KHDRBS2: variants seen among roughly 807,000 people sequenced by gnomAD.
The protein encoded by KHDRBS2 is KH RNA binding domain containing, signal transduction associated 2, also known as KH domain-containing, RNA-binding, signal transduction-associated protein 2.
KHDRBS2 carries 26 observed loss-of-function variants against 44.3 expected under a neutral mutation model. That is an observed-to-expected ratio of 0.59 (90% CI 0.43 to 0.81). The LOEUF is 0.81. KHDRBS2 is among the 40% of genes least tolerant of loss of function. KHDRBS2 has a pLI of 0.00. For synonymous variants in KHDRBS2, 194 were observed against 151.1 expected, an observed-to-expected ratio of 1.28 and a Z score of -2.08; for missense variants, 476 against 433.1, an observed-to-expected ratio of 1.10 and a Z score of -0.88.
At chr6:61,953,876 T>C (rs577655057) in intron 4 of KHDRBS2, among the ~76,000 whole-genome samples, 3 of 152,102 alleles carry the variant, frequency 2.0e-5, no homozygotes, top group East Asian at 1.9e-4. Flanking sequence ...CTAAACAAGA[T>C]ATCACAGTTA....
At chr6:61,877,188 GC>G (rs1799542051) in intron 6 of KHDRBS2, among the ~76,000 whole-genome samples, 1 of 151,894 alleles carries the variant, frequency 6.6e-6, no homozygotes, top group Non-Finnish European at 1.5e-5. Flanking sequence ...GTTGACCCCT[GC>G]ATTGGACCTC....
chr6:61,697,210 C>G lies in KHDRBS2; in HGVS notation c.937G>C (p.Ala313Pro). ...YDYGHGVSEDAYDSYAPEEWA... is the reference protein window; with the variant it reads ...YDYGHGVSEDPYDSYAPEEWA... ...AAGGTCTTACCGTAGCTGTCATAGG[C>G]ATCCTCACTTACTCCATGACCGTAG... The change falls in exon 8 of 9, where the codon GCC becomes CCC. Residue 313 changes from alanine (A) to proline (P), a missense_variant. By Grantham distance (27) the Ala-to-Pro change is conservative. Transcript: ENST00000281156. 6.2e-7 allele frequency: 1 copy of G among 1,608,648 alleles called. No individual in the cohort carries two copies. The highest frequency in any genetic ancestry group is 8.5e-7 in the Non-Finnish European group (1 of 1,175,176).
intron 4 of KHDRBS2, among the ~76,000 whole-genome samples, chr6:61,952,060 T>C (rs1221656757): frequency 6.6e-6 from 1 of 152,094 alleles, no homozygotes; most frequent in Non-Finnish European, 1.5e-5. Context: ...ACTGTATTTA[T>C]TTGATGATAA....
chr6:61,871,719 G>T (rs769724679), intron 6 of KHDRBS2, among the ~76,000 whole-genome samples: 132 of 152,294 alleles, frequency 8.7e-4, no homozygotes, highest in Non-Finnish European at 1.0e-3. Flanking sequence ...CTAAAGAAAA[G>T]AATTTTCAAC....
intron 4 of KHDRBS2, among the ~76,000 whole-genome samples, chr6:61,946,506 C>T (rs1420376721): frequency 6.6e-6 from 1 of 152,050 alleles, no homozygotes; most frequent in Admixed American, 6.6e-5. Context: ...TGTTTCAAAC[C>T]TACTTTTTAA....
chr6:61,856,046 T>C (rs576429856), intron 6 of KHDRBS2, among the ~76,000 whole-genome samples: 2 of 152,260 alleles, frequency 1.3e-5, no homozygotes, highest in East Asian at 3.9e-4. Flanking sequence ...ACATCTGTGA[T>C]TTTCATCCAA....
chr6:61,707,155 G>C (rs1280297937), intron 7 of KHDRBS2, among the ~76,000 whole-genome samples: 1 of 151,638 alleles, frequency 6.6e-6, no homozygotes, highest in Non-Finnish European at 1.5e-5. Flanking sequence ...AAAAAGAATA[G>C]AAAACATAAA....
rs560927963 is a variant in KHDRBS2, at chr6:62,090,943, T to C, written c.220-42949A>G. 7.2e-5 allele frequency among the ~76,000 whole-genome samples: 11 copies of C among 152,294 alleles called. No individual in the cohort carries two copies. In the South Asian group the frequency reaches 1.9e-3, roughly 26 times the overall value. ...TAAGTACCACTCAGCAGGGTTAGAA[T>C]GGCAGAGCTCTTTATGAAAAATAGT... On this transcript the variant is annotated intron_variant, in intron 2 of 8. Coordinates refer to ENST00000281156, the MANE Select transcript of KHDRBS2 (RefSeq NM_152688.4).
At chr6:61,600,595 C>T in the KHDRBS2 span, among the ~76,000 whole-genome samples, 1 of 152,162 alleles carries the variant, frequency 6.6e-6, no homozygotes. Flanking sequence ...ACTGCTCACA[C>T]AAAGCCTGTT....
chr6:62,179,111 T>A (rs1425280036), intron 1 of KHDRBS2, among the ~76,000 whole-genome samples: 4 of 151,608 alleles, frequency 2.6e-5, no homozygotes, highest in Non-Finnish European at 5.9e-5. Context: ...CAATTAGTAA[T>A]CTTTTCGCAT....
intron 4 of KHDRBS2, among the ~76,000 whole-genome samples, chr6:61,949,544 T>C (rs1376573789): frequency 1.3e-5 from 2 of 151,824 alleles, no homozygotes; most frequent in African/African-American, 4.9e-5. Context: ...AATATACTAT[T>C]TTTTTCAAAA....
At chr6:61,543,786 C>G in the KHDRBS2 span, among the ~76,000 whole-genome samples, 3 of 152,032 alleles carry the variant, frequency 2.0e-5, no homozygotes, top group South Asian at 6.2e-4. Context: ...AGCATGAGAT[C>G]TTGTCGTTTG....
chr6:61,554,863 C>G, the KHDRBS2 span, among the ~76,000 whole-genome samples: 3 of 152,182 alleles, frequency 2.0e-5, no homozygotes, highest in Non-Finnish European at 2.9e-5. Flanking sequence ...TATAGGATTT[C>G]TGCTGTAAGG....
intron 6 of KHDRBS2, among the ~76,000 whole-genome samples, chr6:61,747,649 T>C (rs1021122012): frequency 1.3e-5 from 2 of 152,136 alleles, no homozygotes; most frequent in African/African-American, 4.8e-5. Flanking sequence ...TATTTTTCTA[T>C]CATATGGTAC....
At chr6:61,883,791 CAT>C (rs1236028369) in intron 6 of KHDRBS2, among the ~76,000 whole-genome samples, 2 of 152,020 alleles carry the variant, frequency 1.3e-5, no homozygotes, top group East Asian at 3.9e-4. Flanking sequence ...ATATTAGTTA[CAT>C]TTCAAGAAAC....
intron 3 of KHDRBS2, among the ~76,000 whole-genome samples, chr6:61,978,494 C>T (rs1222555857): frequency 1.3e-5 from 2 of 152,074 alleles, no homozygotes; most frequent in Non-Finnish European, 2.9e-5. Context: ...GAAAATAAGT[C>T]ACAGAATTGC....
At chr6:61,787,233 G>A (rs1783956977) in intron 6 of KHDRBS2, among the ~76,000 whole-genome samples, 1 of 151,468 alleles carries the variant, frequency 6.6e-6, no homozygotes, top group Non-Finnish European at 1.5e-5. Context: ...ATGAACATCT[G>A]TGCACATAAA....
At chr6:61,562,448 G>T in the KHDRBS2 span, among the ~76,000 whole-genome samples, 1 of 152,082 alleles carries the variant, frequency 6.6e-6, no homozygotes, top group Non-Finnish European at 1.5e-5. Context: ...AAATAAGAGG[G>T]TGAATTCTCC....
intron 7 of KHDRBS2, among the ~76,000 whole-genome samples, chr6:61,712,862 T>A (rs938470955): frequency 8.6e-5 from 13 of 151,728 alleles, no homozygotes; most frequent in African/African-American, 2.9e-4. Flanking sequence ...TCTCCTATAA[T>A]TTAATAGTAC....
Sources: gnomAD v4.1 joint callset for allele counts (sites outside exome capture counted in the v4.1 genomes callset) on GRCh38, gnomAD v4.1.1 for gene constraint, MANE v1.5 for transcripts, NCBI Gene and HGNC (gene_info 2026-07-23, HGNC 2026-07-21) for gene names.